SSBP2: variants seen among roughly 807,000 people sequenced by gnomAD.
SSBP2 encodes single-stranded DNA-binding protein 2.
Under a neutral mutation model 61.8 loss-of-function variants are expected in SSBP2, and 17 were observed. That is an observed-to-expected ratio of 0.28 (90% CI 0.19 to 0.41). SSBP2 has a LOEUF of 0.41. Ranked by LOEUF, SSBP2 falls within the 10% of genes least tolerant of loss-of-function variation. The pLI is 1.00. For synonymous variants in SSBP2, 139 were observed against 141.3 expected (o/e 0.98, Z 0.12); for missense variants, 310 against 458.7 (o/e 0.68, Z 2.96).
At chr5:81,644,905 G>A (rs1665905507) in intron 2 of SSBP2, among the ~76,000 whole-genome samples, 1 of 152,034 alleles carries the variant, frequency 6.6e-6, no homozygotes, top group African/African-American at 2.4e-5. Flanking sequence ...GTAGGATTAT[G>A]GGCCATCCAA....
intron 8 of SSBP2, among the ~76,000 whole-genome samples, chr5:81,469,439 G>A (rs1227333286): frequency 6.6e-6 from 1 of 151,492 alleles, no homozygotes; most frequent in Non-Finnish European, 1.5e-5. Flanking sequence ...CTTTTCACTA[G>A]CTTCCATAGC....
At chr5:81,445,856 T>C (rs1219316564) in intron 12 of SSBP2, among the ~76,000 whole-genome samples, 1 of 152,176 alleles carries the variant, frequency 6.6e-6, no homozygotes, top group Admixed American at 6.5e-5. Flanking sequence ...AGTTTTAGCC[T>C]ATTTCTTTGT....
intron 1 of SSBP2, among the ~76,000 whole-genome samples, chr5:81,662,340 G>A (rs2077720841): frequency 1.3e-5 from 2 of 151,612 alleles, no homozygotes; most frequent in African/African-American, 4.8e-5. Flanking sequence ...GGTGGCAGAC[G>A]CCCGTAATCC....
At chr5:81,616,854 C>T (rs1415954858) in intron 3 of SSBP2, among the ~76,000 whole-genome samples, 1 of 152,276 alleles carries the variant, frequency 6.6e-6, no homozygotes, top group African/African-American at 2.4e-5. Context: ...TGACACCTCA[C>T]ACAGCCGGGT....
chr5:81,699,439 C>T (rs1753813058), intron 1 of SSBP2, among the ~76,000 whole-genome samples: 1 of 152,234 alleles, frequency 6.6e-6, no homozygotes, highest in African/African-American at 2.4e-5. Context: ...CCTTTGTTGT[C>T]ATTTCAACAA....
intron 5 of SSBP2, among the ~76,000 whole-genome samples, chr5:81,510,709 C>T (rs1431178572): frequency 1.3e-5 from 2 of 151,748 alleles, no homozygotes; most frequent in East Asian, 1.9e-4. Flanking sequence ...TGCGGTGAGC[C>T]GAGATCACGC....
intron 3 of SSBP2, among the ~76,000 whole-genome samples, chr5:81,635,580 AT>A (rs35464950): frequency 0.084 from 10,963 of 130,832 alleles, 627 homozygotes; most frequent in African/African-American, 0.24. Context: ...GTAGAAAGCA[AT>A]TTTTTTTTTT....
chr5:81,688,876 A>C (rs1194284811), intron 1 of SSBP2, among the ~76,000 whole-genome samples: 1 of 152,110 alleles, frequency 6.6e-6, no homozygotes, highest in East Asian at 1.9e-4. Flanking sequence ...AAACAAACTA[A>C]ATAAGCCTCC....
At chr5:81,491,636 G>T in intron 5 of SSBP2, among the ~76,000 whole-genome samples, 1 of 151,942 alleles carries the variant, frequency 6.6e-6, no homozygotes, top group East Asian at 1.9e-4. Flanking sequence ...AAGAGAAAGA[G>T]ACAGATTCTG....
intron 16 of SSBP2, among the ~76,000 whole-genome samples, chr5:81,422,402 G>C (rs371372699): frequency 3.9e-5 from 6 of 152,128 alleles, no homozygotes; most frequent in African/African-American, 1.4e-4. Flanking sequence ...GATGTCATTA[G>C]GGCTCAAACC....
At chr5:81,560,479 A>G (rs534321019) in intron 4 of SSBP2, among the ~76,000 whole-genome samples, 10 of 152,314 alleles carry the variant, frequency 6.6e-5, no homozygotes, top group African/African-American at 1.9e-4. Flanking sequence ...GTTTGTAGGG[A>G]AAGTGGGTGT....
intron 1 of SSBP2, among the ~76,000 whole-genome samples, chr5:81,710,015 TAC>T (rs1561715954): frequency 6.6e-6 from 1 of 152,040 alleles, no homozygotes; most frequent in African/African-American, 2.4e-5. Context: ...AATATTCAAC[TAC>T]AGATGGCTCT....
chr5:81,533,802 G>A (rs1214305979), intron 4 of SSBP2, among the ~76,000 whole-genome samples: 1 of 152,050 alleles, frequency 6.6e-6, no homozygotes, highest in Non-Finnish European at 1.5e-5. Context: ...AACTGCTGGA[G>A]GTTCATTGTA....
chr5:81,489,933 G>A (rs1376513392), intron 5 of SSBP2, among the ~76,000 whole-genome samples: 1 of 151,768 alleles, frequency 6.6e-6, no homozygotes, highest in Non-Finnish European at 1.5e-5. Context: ...CCAAAGGACT[G>A]CTTGAGCTCA....
chr5:81,673,707 C>T (rs187409249), intron 1 of SSBP2, among the ~76,000 whole-genome samples: 2 of 152,204 alleles, frequency 1.3e-5, no homozygotes, highest in Admixed American at 1.3e-4. Flanking sequence ...AGAAAAGGCC[C>T]AAATACTTAA....
intron 4 of SSBP2, among the ~76,000 whole-genome samples, chr5:81,568,869 T>C (rs1398725695): frequency 6.6e-6 from 1 of 152,182 alleles, no homozygotes; most frequent in East Asian, 1.9e-4. Context: ...ATAACATATG[T>C]GTCAAAATAC....
intron 3 of SSBP2, among the ~76,000 whole-genome samples, chr5:81,630,719 A>T (rs1160079836): frequency 6.6e-6 from 1 of 152,040 alleles, no homozygotes; most frequent in Non-Finnish European, 1.5e-5. Flanking sequence ...AAAGGAAAAA[A>T]ATGGCACATT....
chr5:81,749,977 C>G (rs1445400804), intron 1 of SSBP2, among the ~76,000 whole-genome samples: 3 of 152,160 alleles, frequency 2.0e-5, no homozygotes, highest in Non-Finnish European at 4.4e-5. Flanking sequence ...AGCTGCCCTC[C>G]TCGGGCGCCC....
Position 81,419,073 on chromosome 5 carries a change from T to C in SSBP2, c.*1431A>G, listed in dbSNP as rs1057123592. On this transcript the variant is annotated 3_prime_UTR_variant, in exon 17 of 17. Coordinates refer to ENST00000320672, the MANE Select transcript of SSBP2 (RefSeq NM_012446.5). ...ATCTTTCTATTGTGATTTTGGTGTA[T>C]GTATGTATAATTAAGCACAAAATCC... 5 of 152,194 alleles carry C rather than the reference T, an allele frequency of 3.3e-5. No homozygotes were observed. The highest frequency in any genetic ancestry group is 1.2e-4 in the African/African-American group (5 of 41,444). 9.4% of individuals were successfully genotyped at this position (152,194 alleles called of 1,614,324 possible). A position where few individuals can be genotyped will look rare whatever the true frequency, so the allele number is the denominator to read the frequency against.
Sources: gnomAD v4.1 joint callset for allele counts (sites outside exome capture counted in the v4.1 genomes callset) on GRCh38, gnomAD v4.1.1 for gene constraint, MANE v1.5 for transcripts, NCBI Gene and HGNC (gene_info 2026-07-23, HGNC 2026-07-21) for gene names.